The following COL21A1 variants were observed in gnomAD, a reference collection of about 807,000 sequenced individuals.
The protein encoded by COL21A1 is collagen alpha-1(XXI) chain.
COL21A1 carries 149 observed loss-of-function variants against 137.9 expected under a neutral mutation model. That is an observed-to-expected ratio of 1.08 (90% CI 0.95 to 1.24). The LOEUF is 1.24. Among genes scored for constraint, COL21A1 ranks in the 50% most tolerant of loss-of-function variants. The pLI is 0.00. For missense variants in COL21A1, 1,167 were observed against 1,158.4 expected (o/e 1.01, Z -0.11); for synonymous variants, 456 against 391.5 (o/e 1.16, Z -1.95).
intron 1 of COL21A1, among the ~76,000 whole-genome samples, chr6:56,291,996 C>A (rs542404156): frequency 6.6e-6 from 1 of 152,134 alleles, no homozygotes; most frequent in South Asian, 2.1e-4. Flanking sequence ...TAGTGAAACC[C>A]TGTCTCTGCT....
intron 1 of COL21A1, among the ~76,000 whole-genome samples, chr6:56,352,638 C>T (rs1765736513): frequency 6.6e-6 from 1 of 152,152 alleles, no homozygotes; most frequent in Non-Finnish European, 1.5e-5. Context: ...AATCGCCTTC[C>T]TTCCTCCATT....
chr6:56,150,263 T>G (rs2152248531), intron 10 of COL21A1, among the ~76,000 whole-genome samples: 1 of 152,248 alleles, frequency 6.6e-6, no homozygotes, highest in Middle Eastern at 3.4e-3. Context: ...CTCACGCCTG[T>G]AATCCCACTC....
chr6:56,343,348 G>A (rs765683623), intron 1 of COL21A1, among the ~76,000 whole-genome samples: 1 of 152,116 alleles, frequency 6.6e-6, no homozygotes, highest in African/African-American at 2.4e-5. Context: ...TAGTTTCATT[G>A]CCTGAGAAGC....
intron 1 of COL21A1, chr6:56,276,595 G>A (rs1357543884): frequency 8.5e-6 from 12 of 1,412,718 alleles, no homozygotes; most frequent in African/African-American, 4.2e-5. Flanking sequence ...CAGAGAGAAC[G>A]CCAGGGTATT....
intron 12 of COL21A1, among the ~76,000 whole-genome samples, chr6:56,136,186 GA>G (rs1773986197): frequency 6.6e-6 from 1 of 152,140 alleles, no homozygotes; most frequent in African/African-American, 2.4e-5. Context: ...CTGTTAATCT[GA>G]GTCTCCCTGT....
At position 56,135,446 on chromosome 6, in the gene COL21A1, T is replaced by TA. The variant is rs541619390; in HGVS notation, c.1542+6338dup. 9.5e-4 allele frequency among the ~76,000 whole-genome samples: 141 copies of TA among 148,226 alleles called. 3 individuals are homozygous for TA. The highest frequency in any genetic ancestry group is 3.8e-3 in the Admixed American group (57 of 14,842). ...AAACTATACAGGTGAAAATTAGAAT[T>TA]AAAAAAAAAACAGTGCTGATAAGAA... On this transcript the variant is annotated intron_variant, in intron 12 of 29. Transcript: ENST00000244728.
At chr6:56,176,648 G>T (rs370221058) in intron 3 of COL21A1, among the ~76,000 whole-genome samples, 1 of 148,742 alleles carries the variant, frequency 6.7e-6, no homozygotes, top group Non-Finnish European at 1.5e-5. Context: ...GGGGAAGGAG[G>T]AAGAAAGGAA....
At chr6:56,307,574 A>G (rs4715614) in intron 1 of COL21A1, among the ~76,000 whole-genome samples, 130,318 of 152,066 alleles carry the variant, frequency 0.86, 57,984 homozygotes, top group South Asian at 0.99. Context: ...CGTTGGAAAA[A>G]CACAGTATTA....
At chr6:56,077,782 T>C (rs924999947) in intron 17 of COL21A1, 5 of 485,448 alleles carry the variant, frequency 1.0e-5, no homozygotes, top group Non-Finnish European at 1.8e-5. Context: ...TTTAGAGCTT[T>C]AAATAAAGGC....
intron 12 of COL21A1, 45 bp downstream of exon 12, chr6:56,141,740 C>A (rs948375768): frequency 4.4e-6 from 7 of 1,589,806 alleles, no homozygotes; most frequent in Non-Finnish European, 5.2e-6. Context: ...CATCCTTTAT[C>A]TTTGAGGGAC....
chr6:56,310,008 T>C (rs1481739617), intron 1 of COL21A1, among the ~76,000 whole-genome samples: 1 of 152,218 alleles, frequency 6.6e-6, no homozygotes, highest in Admixed American at 6.5e-5. Flanking sequence ...GACAAAAGGC[T>C]GTATTTTATT....
At chr6:56,224,254 C>T (rs1340407127) in intron 1 of COL21A1, among the ~76,000 whole-genome samples, 1 of 152,094 alleles carries the variant, frequency 6.6e-6, no homozygotes, top group Non-Finnish European at 1.5e-5. Flanking sequence ...CAACAGTCTC[C>T]TCTCTGCCAA....
intron 1 of COL21A1, among the ~76,000 whole-genome samples, chr6:56,272,348 C>T (rs1763548812): frequency 6.6e-6 from 1 of 152,174 alleles, no homozygotes. Flanking sequence ...GCCTGTGGCC[C>T]TTTTGTTTTG....
chr6:56,170,170 A>G (rs1234343422), intron 5 of COL21A1, among the ~76,000 whole-genome samples: 5 of 151,920 alleles, frequency 3.3e-5, no homozygotes. Flanking sequence ...CATACCTATT[A>G]TGTATCTGGT....
chr6:56,335,656 C>T (rs1049397514), intron 1 of COL21A1, among the ~76,000 whole-genome samples: 1 of 152,158 alleles, frequency 6.6e-6, no homozygotes, highest in African/African-American at 2.4e-5. Flanking sequence ...AAAGTTTTCC[C>T]ACTCCTCTGC....
intron 1 of COL21A1, among the ~76,000 whole-genome samples, chr6:56,383,526 C>A (rs1231621291): frequency 2.0e-5 from 3 of 152,152 alleles, no homozygotes; most frequent in Non-Finnish European, 2.9e-5. Flanking sequence ...TTCTCCTAAC[C>A]CAGGTAGGTA....
chr6:56,163,173 C>A (rs1331855935), intron 9 of COL21A1, among the ~76,000 whole-genome samples: 1 of 152,072 alleles, frequency 6.6e-6, no homozygotes, highest in Non-Finnish European at 1.5e-5. Context: ...ATGAACATTA[C>A]GATTCATATT....
At chr6:56,124,631 TTTG>T (rs1166422507) in intron 14 of COL21A1, among the ~76,000 whole-genome samples, 20 of 14,874 alleles carry the variant, frequency 1.3e-3, no homozygotes, top group South Asian at 2.1e-3. Context: ...GGACATGTTT[TTTG>T]TTTGTTTGTT....
At chr6:56,270,096 T>A (rs772346414) in intron 1 of COL21A1, among the ~76,000 whole-genome samples, 2 of 152,158 alleles carry the variant, frequency 1.3e-5, no homozygotes, top group Non-Finnish European at 2.9e-5. Context: ...CCCCTTAATG[T>A]CCCTGCCCCA....
Sources: allele counts gnomAD v4.1 joint callset (sites outside exome capture counted in the v4.1 genomes callset), GRCh38; gene constraint gnomAD v4.1.1; transcripts MANE v1.5; gene names NCBI Gene and HGNC (gene_info 2026-07-23, HGNC 2026-07-21).